ATP6V1G1: variants seen among roughly 807,000 people sequenced by gnomAD.
ATP6V1G1 encodes V-type proton ATPase subunit G 1.
In ATP6V1G1, 14 loss-of-function variants were observed where a neutral mutation model predicts 14.2. The ratio of observed to expected loss-of-function variants is 0.99; its 90% CI spans 0.65 to 1.55. The LOEUF is 1.55. Ranked by LOEUF, ATP6V1G1 falls within the 40% of genes most tolerant of loss-of-function variation. The pLI is 0.00. For missense variants in ATP6V1G1, 137 were observed against 146.4 expected, an observed-to-expected ratio of 0.94 and a Z score of 0.33; for synonymous variants, 65 against 53.3, an observed-to-expected ratio of 1.22 and a Z score of -0.96.
rs1385586714 is a variant in ATP6V1G1 at position 114,597,615 on chromosome 9, A to G, written c.229A>G (p.Thr77Ala). The change falls in exon 3 of 3, where the codon ACC (threonine) becomes GCC (alanine). Residue 77 changes from threonine to alanine, a missense_variant. Coordinates refer to ENST00000374050, the MANE Select transcript of ATP6V1G1 (RefSeq NM_004888.4). ...TTGCAGCACTGAAGTGGAGAAGGAG[A>G]CCCAGGAGAAGATGACCATCCTCCA... ...GSCSTEVEKE[T>A]QEKMTILQTY... 1 of 1,567,948 alleles carries G rather than the reference A, an allele frequency of 6.4e-7. No individual in the cohort carries two copies. The highest frequency in any genetic ancestry group is 8.6e-7 in the Non-Finnish European group (1 of 1,158,898).
intron 1 of ATP6V1G1, among the ~76,000 whole-genome samples, chr9:114,591,345 G>A (rs975231239): frequency 3.3e-5 from 5 of 152,192 alleles, no homozygotes; most frequent in Admixed American, 1.3e-4. Flanking sequence ...GATGTCTTGT[G>A]AAATCATGCG....
At chr9:114,591,086 G>A (rs777696469) in intron 1 of ATP6V1G1, among the ~76,000 whole-genome samples, 4 of 152,192 alleles carry the variant, frequency 2.6e-5, no homozygotes, top group African/African-American at 4.8e-5. Context: ...GAGCCAGCGC[G>A]CCCGGCGTGG....
intron 2 of ATP6V1G1, among the ~76,000 whole-genome samples, chr9:114,595,413 A>G (rs1391085174): frequency 6.6e-6 from 1 of 152,148 alleles, no homozygotes; most frequent in Non-Finnish European, 1.5e-5. Context: ...GCATTTTGGG[A>G]GGCCAAGGTG....
intron 2 of ATP6V1G1, among the ~76,000 whole-genome samples, chr9:114,594,380 T>C (rs566045012): frequency 6.7e-4 from 90 of 134,046 alleles, no homozygotes; most frequent in Middle Eastern, 4.0e-3. Flanking sequence ...CCCCCGCCCC[T>C]TTTTTTTTTT....
chr9:114,598,230 T>G lies in ATP6V1G1; in HGVS notation c.*487T>G, dbSNP rs1845261859. ...TAAAGTAGTCCATTCTTGCTAATGG[T>G]TAGAACAGTGAATACTAGTGGAATT... On this transcript the variant is annotated 3_prime_UTR_variant, in exon 3 of 3. Transcript: ENST00000374050. 6.5e-6 allele frequency: 1 copy of G among 152,678 alleles called. No homozygotes were observed. The highest frequency in any genetic ancestry group is 2.4e-5 in the African/African-American group (1 of 41,454). The allele number at this position is 152,678 out of a possible 1,614,324, so 9.5% of individuals were successfully genotyped here.
At position 114,595,858 on chromosome 9, in the gene ATP6V1G1, A is replaced by T. The variant is rs75180729; in HGVS notation, c.184-1712A>T. Among the ~76,000 whole-genome samples the T allele has an allele frequency of 1.2e-3, 187 of 152,268 alleles. 3 individuals carry two copies. The East Asian group carries it at 0.021, about 17-fold the overall frequency. On this transcript the variant is annotated intron_variant, in intron 2 of 2. Transcript: ENST00000374050. Reference sequence around the variant, plus strand: ...TAATGGAGAGACTCCTTTGCAAATTAATATATTATGCAAATATGAAGGGAT... The same window carrying T: ...TAATGGAGAGACTCCTTTGCAAATTTATATATTATGCAAATATGAAGGGAT...
chr9:114,588,044 TTG>T (rs753321941), intron 1 of ATP6V1G1, 124 bp downstream of exon 1: 243 of 1,101,050 alleles, frequency 2.2e-4, no homozygotes, highest in Non-Finnish European at 3.0e-4. Flanking sequence ...TCGCGGAAGG[TTG>T]TGTGTTTCGA....
At position 114,587,831 on chromosome 9, in the gene ATP6V1G1, C is replaced by G. The variant is rs545123388; in HGVS notation, c.-8C>G. ...GCCGCTTGCCTTGCTCTCAGAATCG[C>G]TGCCGCCATGGCTAGTCAGTCTCAG... On this transcript the variant is annotated 5_prime_UTR_variant, in exon 1 of 3. Transcript: ENST00000374050. 2 of 1,583,206 alleles carry G rather than the reference C, an allele frequency of 1.3e-6. No individual in the cohort carries two copies. The highest frequency in any genetic ancestry group is 1.3e-5 in the African/African-American group (1 of 74,584).
intron 1 of ATP6V1G1, among the ~76,000 whole-genome samples, 165 bp from the exon 2 acceptor site, chr9:114,592,387 G>A (rs1845191186): frequency 6.6e-6 from 1 of 152,170 alleles, no homozygotes; most frequent in South Asian, 2.1e-4. Context: ...ATAGGAGGGA[G>A]GAACCTGTAC....
rs1235597583 is a variant in ATP6V1G1 at position 114,597,944 on chromosome 9, T to C, written c.*201T>C. On this transcript the variant is annotated 3_prime_UTR_variant, in exon 3 of 3. Transcript: ENST00000374050. ...AAATTATCTAAAGATTTCATCTTTT[T>C]ACCTCATATTTCTTAGGAATTTAAT... The C allele has an allele frequency of 4.9e-6, 2 of 407,736 alleles. No individual in the cohort carries two copies. Among genetic ancestry groups the C allele is most frequent in the African/African-American group, 4.1e-5 (2 of 48,574 alleles). 25.3% of individuals were successfully genotyped at this position (407,736 alleles called of 1,614,324 possible).
At chr9:114,597,514 G>T in intron 2 of ATP6V1G1, 56 bp from the exon 3 acceptor site, 1 of 1,397,096 alleles carries the variant, frequency 7.2e-7, no homozygotes, top group South Asian at 1.9e-5. Context: ...AAATGTACCT[G>T]ACCAACCAGA....
chr9:114,589,322 T>G (rs1236515830), intron 1 of ATP6V1G1, among the ~76,000 whole-genome samples: 1 of 152,242 alleles, frequency 6.6e-6, no homozygotes, highest in African/African-American at 2.4e-5. Flanking sequence ...GTGAGAAAGA[T>G]GCTTCTATCC....
At chr9:114,593,022 C>G (rs1845200546) in intron 2 of ATP6V1G1, among the ~76,000 whole-genome samples, 1 of 152,172 alleles carries the variant, frequency 6.6e-6, no homozygotes, top group Admixed American at 6.5e-5. Flanking sequence ...TGCAGAGCTA[C>G]TACTGAAAAA....
At chr9:114,588,588 C>T (rs938416437) in intron 1 of ATP6V1G1, among the ~76,000 whole-genome samples, 2 of 151,732 alleles carry the variant, frequency 1.3e-5, no homozygotes, top group Non-Finnish European at 2.9e-5. Context: ...TCAGTTGTCT[C>T]CCCTAACGTG....
chr9:114,588,736 AC>A (rs1252732934), intron 1 of ATP6V1G1, among the ~76,000 whole-genome samples: 1 of 151,894 alleles, frequency 6.6e-6, no homozygotes, highest in Admixed American at 6.6e-5. Flanking sequence ...GAGTGGAAGA[AC>A]CCGTTCTGGT....
At chr9:114,594,230 C>T (rs867508058) in intron 2 of ATP6V1G1, among the ~76,000 whole-genome samples, 26 of 152,082 alleles carry the variant, frequency 1.7e-4, no homozygotes, top group African/African-American at 2.4e-4. Flanking sequence ...CCACCACATC[C>T]GGCTAAATTT....
chr9:114,592,501 G>C, intron 1 of ATP6V1G1, 51 bp from the exon 2 acceptor site: 1 of 1,500,860 alleles, frequency 6.7e-7, no homozygotes. Flanking sequence ...GTCTCTGCTT[G>C]CTTTTCTACT....
chr9:114,593,040 A>T (rs1264878011), intron 2 of ATP6V1G1, among the ~76,000 whole-genome samples: 1 of 152,174 alleles, frequency 6.6e-6, no homozygotes, highest in Non-Finnish European at 1.5e-5. Context: ...AAATGCTGTG[A>T]CGGTCATAAA....
rs571906143 is a variant in ATP6V1G1 at position 114,587,800 on chromosome 9, C to T, written c.-39C>T. On this transcript the variant is annotated 5_prime_UTR_variant, in exon 1 of 3. Transcript: ENST00000374050. ...GCTGACCCAAGGGGCCTTCGAGGTGCCTTAGGCCGCTTGCCTTGCTCTCAG... is the reference window on the plus strand; with the variant it reads ...GCTGACCCAAGGGGCCTTCGAGGTGTCTTAGGCCGCTTGCCTTGCTCTCAG... 8 of 1,557,984 alleles carry T rather than the reference C, an allele frequency of 5.1e-6. No individual in the cohort carries two copies. The Admixed American group carries it at 1.2e-4, about 23-fold the overall frequency.
Sources: allele counts gnomAD v4.1 joint callset (sites outside exome capture counted in the v4.1 genomes callset), GRCh38; gene constraint gnomAD v4.1.1; transcripts MANE v1.5; gene names NCBI Gene and HGNC (gene_info 2026-07-23, HGNC 2026-07-21).